CEP63: variants seen among roughly 807,000 people sequenced by gnomAD.
CEP63 encodes the protein centrosomal protein 63, also known as centrosomal protein of 63 kDa.
CEP63 carries 84 observed loss-of-function variants against 89.1 expected under a neutral mutation model. The observed-to-expected ratio is 0.94, with a 90% CI of 0.79 to 1.13. The LOEUF (loss-of-function observed/expected upper bound fraction) is 1.13, where lower values mean the gene tolerates loss of function less well. Ranked by LOEUF, CEP63 falls within the 50% of genes most tolerant of loss-of-function variation. The probability of loss-of-function intolerance (pLI) is 0.00; values close to 1 mark genes in which losing one functional copy is unlikely to be tolerated. For synonymous variants in CEP63, 267 were observed against 272.5 expected, an observed-to-expected ratio of 0.98 and a Z score of 0.20; for missense variants, 838 against 813.3, an observed-to-expected ratio of 1.03 and a Z score of -0.37.
chr3:134,578,679 T>C (rs1958276610), downstream of CEP63, among the ~76,000 whole-genome samples: 1 of 152,132 alleles, frequency 6.6e-6, no homozygotes, highest in Non-Finnish European at 1.5e-5. Context: ...TGCTGAGCTT[T>C]TTTTCATGTT....
chr3:134,486,351 C>T, intron 1 of CEP63, 149 bp downstream of exon 1: 1 of 985,618 alleles, frequency 1.0e-6, no homozygotes, highest in South Asian at 4.7e-5. Flanking sequence ...TGGCTTGCGG[C>T]CGGTTTGCGC....
the CEP63 span, chr3:134,603,416 C>T: frequency 3.1e-6 from 2 of 644,186 alleles, no homozygotes. Flanking sequence ...CTTCAGAACA[C>T]AAAGATCACA....
chr3:134,495,964 C>T (rs899390832), intron 2 of CEP63, among the ~76,000 whole-genome samples: 1 of 152,100 alleles, frequency 6.6e-6, no homozygotes, highest in African/African-American at 2.4e-5. Context: ...TTTCTTTATC[C>T]ATTAATCTGC....
At chr3:134,634,675 A>AC in the CEP63 span, among the ~76,000 whole-genome samples, 1 of 152,254 alleles carries the variant, frequency 6.6e-6, no homozygotes, top group African/African-American at 2.4e-5. Flanking sequence ...TTTGAACTGC[A>AC]CGAGTCCACT....
the CEP63 span, among the ~76,000 whole-genome samples, chr3:134,724,952 T>C: frequency 6.6e-6 from 1 of 152,170 alleles, no homozygotes; most frequent in Non-Finnish European, 1.5e-5. Context: ...TTTTCTAAAC[T>C]CTCAATAATT....
chr3:134,756,114 A>G, the CEP63 span, among the ~76,000 whole-genome samples: 1 of 152,188 alleles, frequency 6.6e-6, no homozygotes, highest in African/African-American at 2.4e-5. Flanking sequence ...GGCACTCTCC[A>G]TGTGGCACCC....
At chr3:134,514,063 G>GAT (rs1945628105) in intron 3 of CEP63, among the ~76,000 whole-genome samples, 1 of 152,084 alleles carries the variant, frequency 6.6e-6, no homozygotes, top group Non-Finnish European at 1.5e-5. Flanking sequence ...GATAAATCTA[G>GAT]ATATTTGTCA....
At chr3:134,771,881 A>T in the CEP63 span, among the ~76,000 whole-genome samples, 2 of 152,268 alleles carry the variant, frequency 1.3e-5, no homozygotes, top group African/African-American at 4.8e-5. Context: ...CTCAGAAGGT[A>T]CTAACTAGAT....
chr3:134,701,199 CATATATACGTATATATGTGTGT>C, the CEP63 span, among the ~76,000 whole-genome samples: 279 of 52,280 alleles, frequency 5.3e-3, 1 homozygote, highest in African/African-American at 0.018. Context: ...TATACACACA[CATATATACGTATATATGTGTGT>C]ATATATACGT....
chr3:134,553,348 A>G (rs1481801623), intron 12 of CEP63: 2 of 152,210 alleles, frequency 1.3e-5, no homozygotes, highest in Non-Finnish European at 2.9e-5. Context: ...TTACAACATA[A>G]AAATGTGAAG....
At chr3:134,714,274 A>T in the CEP63 span, among the ~76,000 whole-genome samples, 3 of 152,192 alleles carry the variant, frequency 2.0e-5, no homozygotes, top group Non-Finnish European at 4.4e-5. Flanking sequence ...CTGAGGGAAA[A>T]TCATTTGAGG....
At chr3:134,578,774 A>G (rs1199054407), downstream of CEP63, among the ~76,000 whole-genome samples, 1 of 151,682 alleles carries the variant, frequency 6.6e-6, no homozygotes, top group Non-Finnish European at 1.5e-5. Context: ...TTTTCTTGTA[A>G]ATTTGTTTAA....
chr3:134,711,484 C>T, the CEP63 span, among the ~76,000 whole-genome samples: 1 of 152,074 alleles, frequency 6.6e-6, no homozygotes, highest in Non-Finnish European at 1.5e-5. Context: ...GTCCCTGTGC[C>T]CTCTATTTGA....
At chr3:134,710,930 C>CAGGA in the CEP63 span, among the ~76,000 whole-genome samples, 1 of 151,974 alleles carries the variant, frequency 6.6e-6, no homozygotes, top group Non-Finnish European at 1.5e-5. Context: ...CCATGTTGGC[C>CAGGA]AGGATAGTCT....
the CEP63 span, among the ~76,000 whole-genome samples, chr3:134,753,563 A>C: frequency 6.6e-6 from 1 of 152,208 alleles, no homozygotes; most frequent in South Asian, 2.1e-4. Flanking sequence ...AGCATAAGAC[A>C]AGCAAGCACC....
At chr3:134,718,714 C>T in the CEP63 span, among the ~76,000 whole-genome samples, 1 of 152,184 alleles carries the variant, frequency 6.6e-6, no homozygotes, top group Non-Finnish European at 1.5e-5. Flanking sequence ...ATGCAGGTTA[C>T]CTTCTTCTAG....
chr3:134,666,046 T>TGA, the CEP63 span, among the ~76,000 whole-genome samples: 9 of 150,058 alleles, frequency 6.0e-5, no homozygotes, highest in Non-Finnish European at 1.2e-4. Context: ...CAGGGAGAGA[T>TGA]GAGAGAGAGA....
the CEP63 span, among the ~76,000 whole-genome samples, chr3:134,624,881 G>C: frequency 2.0e-5 from 3 of 152,204 alleles, no homozygotes; most frequent in Non-Finnish European, 2.9e-5. Flanking sequence ...CTGGGCAGGG[G>C]CTGCTGCCTA....
intron 2 of CEP63, among the ~76,000 whole-genome samples, chr3:134,505,413 T>A (rs746903798): frequency 8.5e-5 from 13 of 152,198 alleles, no homozygotes; most frequent in Non-Finnish European, 1.8e-4. Flanking sequence ...TTCAGTGACT[T>A]GGACTGTGAT....
Sources: allele counts gnomAD v4.1 joint callset (sites outside exome capture counted in the v4.1 genomes callset), GRCh38; gene constraint gnomAD v4.1.1; transcripts MANE v1.5; gene names NCBI Gene and HGNC (gene_info 2026-07-23, HGNC 2026-07-21).